The following TMEM71 variants were observed in gnomAD, a reference collection of about 807,000 sequenced individuals.
TMEM71 encodes transmembrane protein 71.
A neutral mutation model predicts 38.0 loss-of-function variants in TMEM71; 44 were observed. The ratio of observed to expected loss-of-function variants is 1.16; its 90% confidence interval spans 0.91 to 1.49. The LOEUF is 1.49. Among genes scored for constraint, TMEM71 ranks in the 40% most tolerant of loss-of-function variants. TMEM71 has a pLI of 0.00. For missense variants in TMEM71, 367 were observed against 348.6 expected, an observed-to-expected ratio of 1.05 and a Z score of -0.42; for synonymous variants, 133 against 122.5, an observed-to-expected ratio of 1.09 and a Z score of -0.56.
intron 5 of TMEM71, among the ~76,000 whole-genome samples, chr8:132,737,606 A>G (rs894002046): frequency 1.3e-5 from 2 of 152,222 alleles, no homozygotes; most frequent in African/African-American, 4.8e-5. Context: ...TATAGTACCT[A>G]AGCTACCTTA....
intron 4 of TMEM71, 44 bp from the exon 5 acceptor site, chr8:132,747,158 C>A: frequency 2.0e-6 from 3 of 1,476,360 alleles, no homozygotes; most frequent in Non-Finnish European, 2.7e-6. Flanking sequence ...TAATAGTTAC[C>A]TTTAGTTCAA....
rs1586780247 is a variant in TMEM71, at chr8:132,710,576, T to C, written c.*391A>G. ...TCTATTAAAGCAATTCAGCAAGAGA[T>C]AGGTGCATGTGGCAGACCCAGAAAT... On this transcript the variant is annotated 3_prime_UTR_variant, in exon 10 of 10. Transcript: ENST00000677595. 6 of 421,158 alleles carry C rather than the reference T, an allele frequency of 1.4e-5. No homozygotes were observed. The highest frequency in any genetic ancestry group is 8.3e-6 in the Non-Finnish European group (2 of 240,794). The allele number at this position is 421,158 out of a possible 1,614,324, so 26.1% of individuals were successfully genotyped here. A position where few individuals can be genotyped will look rare whatever the true frequency, so the allele number is the denominator to read the frequency against.
At chr8:132,744,101 T>G (rs1238446535) in intron 5 of TMEM71, among the ~76,000 whole-genome samples, 1 of 151,908 alleles carries the variant, frequency 6.6e-6, no homozygotes, top group Non-Finnish European at 1.5e-5. Context: ...CCACAGTCCC[T>G]GCTCCAGTAA....
Position 132,754,410 on chromosome 8 carries a change from G to A in TMEM71, c.102-2413C>T, listed in dbSNP as rs921860742. On this transcript the variant is annotated intron_variant, in intron 3 of 9. Transcript: ENST00000677595. ...CAATTTTATATTACAAGGTCAATAT[G>A]TAATTAAGACTTTGCAGATAGAGCT... Among the ~76,000 whole-genome samples, 21 of 152,132 alleles carry A rather than the reference G, an allele frequency of 1.4e-4. 1 individual carries two copies. The highest frequency in any genetic ancestry group is 4.8e-4 in the African/African-American group (20 of 41,434).
At chr8:132,720,220 C>T (rs1389915028) in intron 7 of TMEM71, among the ~76,000 whole-genome samples, 2 of 152,158 alleles carry the variant, frequency 1.3e-5, no homozygotes, top group African/African-American at 4.8e-5. Context: ...ACCTTTCTTA[C>T]CCCCTTCCTT....
chr8:132,713,277 G>A (rs1017170594), intron 9 of TMEM71, among the ~76,000 whole-genome samples: 95 of 151,652 alleles, frequency 6.3e-4, no homozygotes, highest in Admixed American at 6.0e-3. Flanking sequence ...AGAAATTATG[G>A]GAAGCATCAC....
intron 3 of TMEM71, among the ~76,000 whole-genome samples, chr8:132,755,579 GA>G (rs765942421): frequency 5.9e-5 from 9 of 152,272 alleles, no homozygotes; most frequent in Non-Finnish European, 1.3e-4. Flanking sequence ...ACTGGTTGGT[GA>G]AAGGACAAAT....
intron 5 of TMEM71, among the ~76,000 whole-genome samples, chr8:132,731,712 A>G (rs1827466112): frequency 6.6e-6 from 1 of 152,192 alleles, no homozygotes; most frequent in Admixed American, 6.5e-5. Context: ...AGAGACAGGG[A>G]CAAAAGAAAA....
upstream of TMEM71, among the ~76,000 whole-genome samples, chr8:132,763,271 C>T (rs754571039): frequency 6.6e-6 from 1 of 152,144 alleles, no homozygotes; most frequent in Non-Finnish European, 1.5e-5. Flanking sequence ...TACTCCTCAG[C>T]CAGAACATGA....
chr8:132,772,693 A>G, the TMEM71 span, among the ~76,000 whole-genome samples: 2 of 152,348 alleles, frequency 1.3e-5, no homozygotes, highest in East Asian at 3.9e-4. Context: ...TTAAAAATCA[A>G]TATGACTATG....
intron 6 of TMEM71, among the ~76,000 whole-genome samples, chr8:132,723,766 AT>A (rs767312613): frequency 7.9e-5 from 12 of 151,904 alleles, no homozygotes; most frequent in Non-Finnish European, 1.5e-4. Context: ...GAAGTGACTG[AT>A]TTTTTCTGAC....
chr8:132,730,347 A>G (rs1827385271), intron 5 of TMEM71, among the ~76,000 whole-genome samples: 1 of 152,218 alleles, frequency 6.6e-6, no homozygotes, highest in African/African-American at 2.4e-5. Flanking sequence ...AGAAGCCAAC[A>G]TAAAAGCTCT....
chr8:132,773,519 C>T, the TMEM71 span, among the ~76,000 whole-genome samples: 1 of 152,112 alleles, frequency 6.6e-6, no homozygotes, highest in Non-Finnish European at 1.5e-5. Context: ...CAAATAACCT[C>T]AAGTTTTTAG....
the TMEM71 span, among the ~76,000 whole-genome samples, chr8:132,768,671 A>G: frequency 6.6e-6 from 1 of 152,228 alleles, no homozygotes; most frequent in Admixed American, 6.5e-5. Context: ...CAAAAGAGGA[A>G]GTAATCCGAT....
the TMEM71 span, among the ~76,000 whole-genome samples, chr8:132,775,861 T>C: frequency 4.6e-5 from 7 of 152,258 alleles, no homozygotes; most frequent in East Asian, 7.7e-4. Flanking sequence ...TGGAGGCTTC[T>C]CCAGCTCCCT....
At chr8:132,767,461 A>G in the TMEM71 span, among the ~76,000 whole-genome samples, 1 of 150,452 alleles carries the variant, frequency 6.6e-6, no homozygotes, top group African/African-American at 2.4e-5. Context: ...TTGTTTTGAG[A>G]CATACCTACC....
Position 132,714,177 on chromosome 8 carries a change from C to G in TMEM71, c.791G>C (p.Cys264Ser). 6.2e-6 allele frequency: 10 copies of G among 1,612,746 alleles called. No homozygotes were observed. The highest frequency in any genetic ancestry group is 8.5e-6 in the Non-Finnish European group (10 of 1,179,526). Residue 264 changes from cysteine (C) to serine (S), a missense_variant, in exon 8 of 10, where the codon TGC becomes TCC. Cys to Ser is a moderately radical substitution (Grantham distance 112, BLOSUM62 -1). Coordinates refer to ENST00000677595, the MANE Select transcript of TMEM71 (RefSeq NM_001382403.1). ...ACAAGCTACAGTTATCATCAATGAGCATGTGAAGACACTGGCTAATATTTC... is the reference window on the plus strand; with the variant it reads ...ACAAGCTACAGTTATCATCAATGAGGATGTGAAGACACTGGCTAATATTTC... ...MGEILASVFTCSLMITVAYVK... is the reference protein window; with the variant it reads ...MGEILASVFTSSLMITVAYVK...
intron 5 of TMEM71, among the ~76,000 whole-genome samples, chr8:132,745,669 T>C (rs1213748038): frequency 6.6e-6 from 1 of 152,132 alleles, no homozygotes. Flanking sequence ...CCCATTACTA[T>C]GTATATATCC....
chr8:132,732,877 A>G (rs115742903), intron 5 of TMEM71, among the ~76,000 whole-genome samples: 2,209 of 152,298 alleles, frequency 0.015, 57 homozygotes, highest in African/African-American at 0.051. Flanking sequence ...TGCACAGGGC[A>G]GGTGCCACAA....
Sources: allele counts gnomAD v4.1 joint callset (sites outside exome capture counted in the v4.1 genomes callset), GRCh38; gene constraint gnomAD v4.1.1; transcripts MANE v1.5; gene names NCBI Gene and HGNC (gene_info 2026-07-23, HGNC 2026-07-21).